MEGF9: variants seen among roughly 807,000 people sequenced by gnomAD.
MEGF9 encodes the protein multiple epidermal growth factor-like domains protein 9.
A neutral mutation model predicts 46.8 loss-of-function variants in MEGF9; 6 were observed. The ratio of observed to expected loss-of-function variants is 0.13; its 90% CI spans 0.07 to 0.25. The LOEUF (loss-of-function observed/expected upper bound fraction) is 0.25. Ranked by LOEUF, MEGF9 falls within the 10% of genes least tolerant of loss-of-function variation. The pLI, the probability that MEGF9 is intolerant of heterozygous loss-of-function variation, is 1.00. For missense variants in MEGF9, 683 were observed against 792.4 expected (o/e 0.86, Z 1.66); for synonymous variants, 302 against 330.7 (o/e 0.91, Z 0.94).
chr9:120,692,153 C>T (rs991794769), intron 1 of MEGF9, among the ~76,000 whole-genome samples: 7 of 152,134 alleles, frequency 4.6e-5, no homozygotes, highest in Non-Finnish European at 8.8e-5. Context: ...ATTGTGAATG[C>T]CTAAGTCATT....
intron 1 of MEGF9, among the ~76,000 whole-genome samples, chr9:120,666,375 GCA>G (rs1367435519): frequency 1.3e-4 from 20 of 152,098 alleles, no homozygotes; most frequent in Non-Finnish European, 2.9e-4. Flanking sequence ...TCTATTCTCA[GCA>G]CACACAATGC....
In MEGF9 at chr9:120,622,202, T is replaced by C. The variant is rs190954915; in HGVS notation, c.943+414A>G. ...TTGGGGATCCTCTTGTTTCCAACCA[T>C]CATGCAAGCCTCAAATGACTGCCAA... is the stretch of plus-strand genomic sequence containing the variant. On this transcript the variant is annotated intron_variant, in intron 3 of 5. Coordinates refer to ENST00000373930, the MANE Select transcript of MEGF9 (RefSeq NM_001080497.3). 1.5e-3 allele frequency among the ~76,000 whole-genome samples: 233 copies of C among 152,304 alleles called. 1 individual carries two copies. The highest frequency in any genetic ancestry group is 5.3e-3 in the African/African-American group (222 of 41,576).
intron 1 of MEGF9, among the ~76,000 whole-genome samples, chr9:120,664,932 T>C (rs2043718418): frequency 6.6e-6 from 1 of 152,204 alleles, no homozygotes; most frequent in South Asian, 2.1e-4. Flanking sequence ...CGGAGTGATA[T>C]TTCAATACAT....
At chr9:120,613,683 G>A (rs2043458875) in intron 3 of MEGF9, among the ~76,000 whole-genome samples, 1 of 152,100 alleles carries the variant, frequency 6.6e-6, no homozygotes, top group South Asian at 2.1e-4. Flanking sequence ...CATAACATTT[G>A]AAAATACAAA....
intron 1 of MEGF9, among the ~76,000 whole-genome samples, chr9:120,678,877 CTCA>C (rs1240962856): frequency 6.6e-6 from 1 of 152,152 alleles, no homozygotes; most frequent in African/African-American, 2.4e-5. Context: ...TGAAAAAAGG[CTCA>C]TCATCACTGG....
rs1225471908 is a variant in MEGF9, at chr9:120,612,038, A to AAT, written c.1087+356_1087+357dup. On this transcript the variant is annotated intron_variant, in intron 4 of 5. Transcript: ENST00000373930. ...ATAGGTTATTTAGCAATAGATAACTAATATATATATCAGGATTAAATGAGT... is the reference window on the plus strand; with the variant it reads ...ATAGGTTATTTAGCAATAGATAACTAATATATATATATCAGGATTAAATGAGT... Among the ~76,000 whole-genome samples the AAT allele has an allele frequency of 4.6e-5, 7 of 152,288 alleles. No individual in the cohort carries two copies. In the East Asian group the frequency reaches 1.2e-3, roughly 25 times the overall value.
intron 1 of MEGF9, among the ~76,000 whole-genome samples, chr9:120,682,689 C>T (rs1313425731): frequency 6.6e-6 from 1 of 152,120 alleles, no homozygotes; most frequent in Non-Finnish European, 1.5e-5. Flanking sequence ...CTCAGGCCAT[C>T]CTCCTACCTC....
intron 2 of MEGF9, among the ~76,000 whole-genome samples, chr9:120,626,702 A>C (rs868138065): frequency 2.0e-5 from 3 of 152,212 alleles, no homozygotes; most frequent in African/African-American, 4.8e-5. Flanking sequence ...GGAGTATCAG[A>C]GTTTATGGAA....
At chr9:120,639,400 C>T (rs958911510) in intron 2 of MEGF9, among the ~76,000 whole-genome samples, 1 of 150,166 alleles carries the variant, frequency 6.7e-6, no homozygotes, top group South Asian at 2.1e-4. Flanking sequence ...TCCCAGTACT[C>T]GGGAGGCTGA....
chr9:120,659,786 A>G (rs1360767426), intron 1 of MEGF9, among the ~76,000 whole-genome samples: 1 of 126,404 alleles, frequency 7.9e-6, no homozygotes, highest in Non-Finnish European at 1.7e-5. Flanking sequence ...TGTGTGTGTG[A>G]CAGTGTGTGT....
chr9:120,682,576 C>T (rs555436215), intron 1 of MEGF9, among the ~76,000 whole-genome samples: 18 of 151,912 alleles, frequency 1.2e-4, no homozygotes, highest in African/African-American at 4.1e-4. Context: ...AATTCTTACA[C>T]ACACACACAC....
chr9:120,649,633 T>C (rs983999696), intron 2 of MEGF9, among the ~76,000 whole-genome samples: 1 of 152,220 alleles, frequency 6.6e-6, no homozygotes, highest in Admixed American at 6.5e-5. Flanking sequence ...GTTATTAATT[T>C]TTCTTACATA....
intron 1 of MEGF9, among the ~76,000 whole-genome samples, chr9:120,660,488 G>A (rs888376396): frequency 1.3e-5 from 2 of 152,042 alleles, no homozygotes; most frequent in African/African-American, 4.8e-5. Context: ...CAGTCTATCT[G>A]CTGTGCTATC....
chr9:120,639,476 C>A (rs149449827), intron 2 of MEGF9, among the ~76,000 whole-genome samples: 2,820 of 146,348 alleles, frequency 0.019, 103 homozygotes, highest in African/African-American at 0.07. Context: ...CCACTGCACT[C>A]CAGCCTGGGT....
intron 1 of MEGF9, among the ~76,000 whole-genome samples, chr9:120,703,491 A>G (rs7870187): frequency 0.043 from 6,497 of 152,330 alleles, 458 homozygotes; most frequent in African/African-American, 0.15. Context: ...GAATTAAATG[A>G]CACGATGTAC....
chr9:120,671,297 C>A (rs959538408), intron 1 of MEGF9, among the ~76,000 whole-genome samples: 3 of 152,146 alleles, frequency 2.0e-5, no homozygotes, highest in Non-Finnish European at 4.4e-5. Context: ...CCAGTCATCC[C>A]CATCAAGGCC....
chr9:120,637,163 C>A (rs1564417566), intron 2 of MEGF9, among the ~76,000 whole-genome samples: 1 of 152,136 alleles, frequency 6.6e-6, no homozygotes, highest in Non-Finnish European at 1.5e-5. Flanking sequence ...TGTGTCAACT[C>A]AGGGTTAAAT....
At chr9:120,710,826 T>C (rs959948969) in intron 1 of MEGF9, among the ~76,000 whole-genome samples, 2 of 152,234 alleles carry the variant, frequency 1.3e-5, no homozygotes, top group East Asian at 3.8e-4. Context: ...CTGTTTAAAG[T>C]AGACTGGAGC....
chr9:120,696,003 G>C (rs2043875225), intron 1 of MEGF9, among the ~76,000 whole-genome samples: 1 of 152,196 alleles, frequency 6.6e-6, no homozygotes, highest in Admixed American at 6.5e-5. Flanking sequence ...CCTCTCTCTG[G>C]TGGCAAACAG....
Sources: allele counts gnomAD v4.1 joint callset (sites outside exome capture counted in the v4.1 genomes callset), GRCh38; gene constraint gnomAD v4.1.1; transcripts MANE v1.5; gene names NCBI Gene and HGNC (gene_info 2026-07-23, HGNC 2026-07-21).